Variants in SLC9A7 observed in about 807,000 individuals in gnomAD.
The protein encoded by SLC9A7 is sodium/hydrogen exchanger 7.
SLC9A7 carries 19 observed loss-of-function variants against 52.6 expected under a neutral mutation model. The ratio of observed to expected loss-of-function variants is 0.36; its 90% CI spans 0.25 to 0.53. The LOEUF (loss-of-function observed/expected upper bound fraction) is 0.53, where lower values mean the gene tolerates loss of function less well. Among genes scored for constraint, SLC9A7 ranks in the 20% least tolerant of loss-of-function variants. SLC9A7 has a pLI of 0.91. For missense variants in SLC9A7, 455 were observed against 597.9 expected (o/e 0.76, Z 2.49); for synonymous variants, 226 against 252.1 (o/e 0.90, Z 0.98).
intron 16 of SLC9A7, among the ~76,000 whole-genome samples, chrX:46,611,595 G>A (rs1207806527): frequency 2.7e-5 from 3 of 112,823 alleles, no homozygotes; most frequent in Non-Finnish European, 3.7e-5. Flanking sequence ...TGCTGTGAAG[G>A]GGGTGAAACC....
chrX:46,679,988 A>C (rs891366690), intron 2 of SLC9A7, among the ~76,000 whole-genome samples: 4 of 111,965 alleles, frequency 3.6e-5, no homozygotes, highest in African/African-American at 1.3e-4. Context: ...CTGTTTTAAA[A>C]CATAATAAGA....
At chrX:46,741,933 GA>G (rs1921382552) in intron 1 of SLC9A7, among the ~76,000 whole-genome samples, 1 of 109,697 alleles carries the variant, frequency 9.1e-6, no homozygotes, top group Non-Finnish European at 1.9e-5. Flanking sequence ...AAGAACACTC[GA>G]AACTCCAAAG....
chrX:46,740,597 T>C (rs769920466), intron 1 of SLC9A7, among the ~76,000 whole-genome samples: 6 of 111,572 alleles, frequency 5.4e-5, no homozygotes, highest in Non-Finnish European at 9.4e-5. Flanking sequence ...ACATTGTATA[T>C]GTATATGTAT....
chrX:46,627,061 G>T (rs956956531), intron 14 of SLC9A7, among the ~76,000 whole-genome samples: 20 of 111,635 alleles, frequency 1.8e-4, no homozygotes, highest in African/African-American at 6.5e-4. Context: ...GCTCATGCCT[G>T]TAATCCCTGC....
intron 1 of SLC9A7, among the ~76,000 whole-genome samples, chrX:46,756,650 T>C (rs1446468234): frequency 6.2e-5 from 7 of 112,198 alleles, no homozygotes; most frequent in Non-Finnish European, 9.4e-5. Flanking sequence ...AAAATATTAA[T>C]ATTTGGCATA....
intron 16 of SLC9A7, among the ~76,000 whole-genome samples, chrX:46,612,426 G>A (rs1042892251): frequency 9.0e-6 from 1 of 111,097 alleles, no homozygotes; most frequent in African/African-American, 3.3e-5. Flanking sequence ...AATCTAAGAC[G>A]TCCACCAGTG....
chrX:46,725,567 T>C (rs1944930601), intron 1 of SLC9A7: 2 of 967,374 alleles, frequency 2.1e-6, no homozygotes, highest in South Asian at 3.8e-5. Context: ...TGAATGACTA[T>C]TGGGCAAGAT....
At chrX:46,639,916 G>T (rs1449969374) in intron 12 of SLC9A7, among the ~76,000 whole-genome samples, 1 of 111,504 alleles carries the variant, frequency 9.0e-6, no homozygotes, top group Non-Finnish European at 1.9e-5. Context: ...GCTGAAAACT[G>T]CAAAAATCGA....
At chrX:46,631,307 C>T (rs1602152614) in intron 14 of SLC9A7, among the ~76,000 whole-genome samples, 1 of 112,218 alleles carries the variant, frequency 8.9e-6, no homozygotes, top group East Asian at 2.8e-4. Context: ...CCAATATCCA[C>T]TATTGAAAAG....
At position 46,604,051 on chromosome X, in the gene SLC9A7, C is replaced by T. The variant is rs1942702381; in HGVS notation, c.*2901G>A. The T allele has an allele frequency of 8.9e-6, 1 of 112,466 alleles. No homozygotes were observed. Among genetic ancestry groups the T allele is most frequent in the African/African-American group, 3.2e-5 (1 of 30,949 alleles). The allele number at this position is 112,466 out of a possible 1,213,427, so 9.3% of individuals were successfully genotyped here. A position where few individuals can be genotyped will look rare whatever the true frequency, so the allele number is the denominator to read the frequency against. ...TGCAAAACAAAAACAAAAATGAAAA[C>T]AAAACAAGTCTTGCCTTTTAGATTT... On this transcript the variant is annotated 3_prime_UTR_variant, in exon 17 of 17. Coordinates refer to ENST00000616978, the MANE Select transcript of SLC9A7 (RefSeq NM_001257291.2).
At chrX:46,756,487 G>T (rs1922675569) in intron 1 of SLC9A7, among the ~76,000 whole-genome samples, 1 of 111,699 alleles carries the variant, frequency 9.0e-6, no homozygotes, top group African/African-American at 3.3e-5. Context: ...TTTAAGATCA[G>T]TTTAAAATCC....
chrX:46,718,600 G>GA (rs1385769599), intron 1 of SLC9A7, among the ~76,000 whole-genome samples: 2 of 112,013 alleles, frequency 1.8e-5, no homozygotes, highest in Non-Finnish European at 3.8e-5. Context: ...AAATTTACAA[G>GA]AAAAAATCAA....
chrX:46,683,708 A>C (rs1034169362), intron 1 of SLC9A7, among the ~76,000 whole-genome samples: 17 of 112,317 alleles, frequency 1.5e-4, no homozygotes, highest in Non-Finnish European at 3.0e-4. Flanking sequence ...AAAAACAAAA[A>C]CAAAAAACCA....
chrX:46,730,124 T>C (rs1945004631), intron 1 of SLC9A7, among the ~76,000 whole-genome samples: 1 of 111,450 alleles, frequency 9.0e-6, no homozygotes. Context: ...GGACTTATGA[T>C]AAACTCACCA....
intron 7 of SLC9A7, among the ~76,000 whole-genome samples, chrX:46,658,209 A>G (rs1269281556): frequency 1.9e-5 from 2 of 104,003 alleles, no homozygotes; most frequent in African/African-American, 7.1e-5. Flanking sequence ...AATCTCTGGG[A>G]CGCATTCAAA....
chrX:46,727,291 G>A (rs190960264), intron 1 of SLC9A7, among the ~76,000 whole-genome samples: 3 of 112,124 alleles, frequency 2.7e-5, no homozygotes, highest in Non-Finnish European at 5.6e-5. Flanking sequence ...GTGTCAACTC[G>A]GGGGCAGAAA....
In SLC9A7 at chrX:46,606,611, C is replaced by T; in HGVS notation, c.*341G>A. The T allele has an allele frequency of 1.1e-6, 1 of 901,208 alleles. No individual in the cohort carries two copies. Among genetic ancestry groups the T allele is most frequent in the Non-Finnish European group, 1.4e-6 (1 of 731,322 alleles). 74.3% of individuals were successfully genotyped at this position (901,208 alleles called of 1,213,427 possible). Reference sequence around the variant, plus strand: ...GATGCAGCCTCTCATGGGAGGAATCCCCCCACCCAGCACCTGCCTCGCCTT... The same window carrying T: ...GATGCAGCCTCTCATGGGAGGAATCTCCCCACCCAGCACCTGCCTCGCCTT... On this transcript the variant is annotated 3_prime_UTR_variant, in exon 17 of 17. Coordinates refer to ENST00000616978, the MANE Select transcript of SLC9A7 (RefSeq NM_001257291.2).
At chrX:46,743,548 C>T (rs2147006792) in intron 1 of SLC9A7, among the ~76,000 whole-genome samples, 1 of 111,762 alleles carries the variant, frequency 8.9e-6, no homozygotes, top group South Asian at 3.7e-4. Context: ...CCACCCCCAA[C>T]CTCCTAAGGG....
At chrX:46,634,761 C>CGG (rs1483119146) in intron 13 of SLC9A7, among the ~76,000 whole-genome samples, 1 of 111,570 alleles carries the variant, frequency 9.0e-6, no homozygotes, top group African/African-American at 3.3e-5. Flanking sequence ...AGTACACATA[C>CGG]GGGGCCTAGT....
Sources: gnomAD v4.1 joint callset for allele counts (sites outside exome capture counted in the v4.1 genomes callset) on GRCh38, gnomAD v4.1.1 for gene constraint, MANE v1.5 for transcripts, NCBI Gene and HGNC (gene_info 2026-07-23, HGNC 2026-07-21) for gene names.